The following RNF11 variants were observed in gnomAD, a reference collection of about 807,000 sequenced individuals.
RNF11 encodes ring finger protein 11.
Under a neutral mutation model 15.8 loss-of-function variants are expected in RNF11, and 4 were observed. That is an observed-to-expected ratio of 0.25 (90% CI 0.12 to 0.58). RNF11 has a LOEUF of 0.58. RNF11 is among the 20% of genes least tolerant of loss of function. The pLI, the probability that RNF11 is intolerant of heterozygous loss-of-function variation, is 0.91. For missense variants in RNF11, 139 were observed against 194.4 expected, an observed-to-expected ratio of 0.71 and a Z score of 1.70; for synonymous variants, 68 against 72.3, an observed-to-expected ratio of 0.94 and a Z score of 0.30.
chr1:51,264,290 ATAT>A (rs1646944795), intron 1 of RNF11, among the ~76,000 whole-genome samples: 6 of 67,216 alleles, frequency 8.9e-5, no homozygotes, highest in African/African-American at 2.3e-4. Flanking sequence ...AAAAAAAAAT[ATAT>A]ATATATATAT....
At chr1:51,251,272 C>A (rs1298577068) in intron 1 of RNF11, 7 of 1,362,676 alleles carry the variant, frequency 5.1e-6, no homozygotes, top group Non-Finnish European at 6.2e-6. Flanking sequence ...ATGTCCTTCA[C>A]CAAGCAGCCC....
At position 51,271,389 on chromosome 1, in the gene RNF11, C is replaced by A; in HGVS notation, c.*67C>A. ...GTGGTTTTGATCTTTTGTCACTGAG[C>A]CCAAAGAGCCAGGGATTAGGAATTA... On this transcript the variant is annotated 3_prime_UTR_variant, in exon 3 of 3. Coordinates refer to ENST00000242719, the MANE Select transcript of RNF11 (RefSeq NM_014372.5). The A allele has an allele frequency of 7.6e-7, 1 of 1,315,164 alleles. No homozygotes were observed. The highest frequency in any genetic ancestry group is 1.1e-6 in the Non-Finnish European group (1 of 951,196). 81.5% of individuals were successfully genotyped at this position (1,315,164 alleles called of 1,614,324 possible). A position where few individuals can be genotyped will look rare whatever the true frequency, so the allele number is the denominator to read the frequency against.
intron 1 of RNF11, among the ~76,000 whole-genome samples, chr1:51,239,524 G>A (rs913403276): frequency 6.6e-6 from 1 of 152,110 alleles, no homozygotes; most frequent in Admixed American, 6.5e-5. Context: ...CTTAGGAATG[G>A]TTATTTTAGA....
chr1:51,264,259 C>CAAAA (rs1158509807), intron 1 of RNF11, among the ~76,000 whole-genome samples: 26 of 25,508 alleles, frequency 1.0e-3, no homozygotes, highest in East Asian at 3.5e-3. Context: ...GACCCTATCT[C>CAAAA]AAAAAAAAAA....
rs890088880 is a variant in RNF11 at position 51,237,440 on chromosome 1, G to A, written c.123+561G>A. 3.9e-3 allele frequency among the ~76,000 whole-genome samples: 497 copies of A among 128,256 alleles called. 3 individuals carry two copies. The highest frequency in any genetic ancestry group is 0.013 in the African/African-American group (452 of 34,858). 84.1% of individuals were successfully genotyped at this position (128,256 alleles called of 152,430 possible). ...TGTGTGTGTGTATATATATATATATGTGTATATATATATATATATATATGT... is the reference window on the plus strand; with the variant it reads ...TGTGTGTGTGTATATATATATATATATGTATATATATATATATATATATGT... On this transcript the variant is annotated intron_variant, in intron 1 of 2. Coordinates refer to ENST00000242719, the MANE Select transcript of RNF11 (RefSeq NM_014372.5).
intron 1 of RNF11, among the ~76,000 whole-genome samples, chr1:51,253,566 T>C (rs766859452): frequency 2.0e-5 from 3 of 147,964 alleles, no homozygotes; most frequent in Non-Finnish European, 3.0e-5. Context: ...AAATAAAGAA[T>C]AGAAGGAAAG....
rs956668289 is a variant in RNF11, at chr1:51,250,857, G to A, written c.123+13978G>A. ...CATCATGAGCAGCTTCTTGGGCACAGGTGCGGAGACAATGCCAGTGCCCCT... is the reference window on the plus strand; with the variant it reads ...CATCATGAGCAGCTTCTTGGGCACAAGTGCGGAGACAATGCCAGTGCCCCT... On this transcript the variant is annotated intron_variant, in intron 1 of 2. Coordinates refer to ENST00000242719, the MANE Select transcript of RNF11 (RefSeq NM_014372.5). The A allele has an allele frequency of 3.1e-5, 36 of 1,158,622 alleles. 1 individual carries two copies. The Middle Eastern group carries it at 8.2e-4, about 26-fold the overall frequency. 71.8% of individuals were successfully genotyped at this position (1,158,622 alleles called of 1,614,324 possible).
Position 51,236,491 on chromosome 1 carries a change from TCTCCCCGCCCCCCC to T in RNF11, c.-264_-251del, listed in dbSNP as rs1448608228. On this transcript the variant is annotated 5_prime_UTR_variant, in exon 1 of 3. Transcript: ENST00000242719. ...GGGGGCGGGGTGGGGAAGTGCTTCG[TCTCCCCGCCCCCCC>T]CCCCCCATCGCTGCCTCGCAGGAGG... The T allele has an allele frequency of 1.6e-5, 2 of 125,302 alleles. No individual in the cohort carries two copies. The highest frequency in any genetic ancestry group is 8.0e-5 in the African/African-American group (2 of 25,146). The allele number at this position is 125,302 out of a possible 1,614,324, so 7.8% of individuals were successfully genotyped here. A position where few individuals can be genotyped will look rare whatever the true frequency, so the allele number is the denominator to read the frequency against.
chr1:51,270,183 A>T (rs1490293678), intron 2 of RNF11, 58 bp downstream of exon 2: 3 of 1,424,130 alleles, frequency 2.1e-6, no homozygotes, highest in Non-Finnish European at 2.9e-6. Context: ...CTTTTGAAAA[A>T]TTTGCCTTTT....
chr1:51,269,868 T>TC, intron 1 of RNF11, 88 bp from the exon 2 acceptor site: 2 of 1,106,498 alleles, frequency 1.8e-6, no homozygotes, highest in Non-Finnish European at 2.6e-6. Flanking sequence ...CTCCCAGGGC[T>TC]CCCTTTCCCT....
chr1:51,254,682 C>T (rs547892084), intron 1 of RNF11, among the ~76,000 whole-genome samples: 68 of 152,236 alleles, frequency 4.5e-4, no homozygotes, highest in African/African-American at 1.5e-3. Flanking sequence ...AGGCAGGTCT[C>T]GAACTCCCAG....
chr1:51,253,116 C>T (rs1159702426), intron 1 of RNF11, among the ~76,000 whole-genome samples: 4 of 152,068 alleles, frequency 2.6e-5, no homozygotes, highest in South Asian at 2.1e-4. Flanking sequence ...CGATCCACCA[C>T]GCCCGACGTT....
At chr1:51,248,892 T>C (rs1044204490) in intron 1 of RNF11, among the ~76,000 whole-genome samples, 1 of 151,974 alleles carries the variant, frequency 6.6e-6, no homozygotes, top group Non-Finnish European at 1.5e-5. Flanking sequence ...CAGAAAATAT[T>C]TGGGAAAGAA....
rs1646980917 is a variant in RNF11 at position 51,271,944 on chromosome 1, T to G, written c.*622T>G. The G allele has an allele frequency of 6.6e-6, 1 of 152,654 alleles. No individual in the cohort carries two copies. The highest frequency in any genetic ancestry group is 6.5e-5 in the Admixed American group (1 of 15,288). The allele number at this position is 152,654 out of a possible 1,614,324, so 9.5% of individuals were successfully genotyped here. On this transcript the variant is annotated 3_prime_UTR_variant, in exon 3 of 3. Transcript: ENST00000242719. ...ATAACCTGTTATAAGTGCTATATTC[T>G]GTTTGCAGTTAGGAAATGCAGAATT...
At chr1:51,266,474 T>A (rs1646955266) in intron 1 of RNF11, among the ~76,000 whole-genome samples, 1 of 152,178 alleles carries the variant, frequency 6.6e-6, no homozygotes, top group South Asian at 2.1e-4. Flanking sequence ...ATTAGCAGTT[T>A]TTCTTTTTTC....
chr1:51,254,935 TG>T (rs1297396009), intron 1 of RNF11, among the ~76,000 whole-genome samples: 1 of 152,178 alleles, frequency 6.6e-6, no homozygotes, highest in Admixed American at 6.5e-5. Context: ...AACTTTACTC[TG>T]GGAGAAAAAA....
intron 1 of RNF11, among the ~76,000 whole-genome samples, chr1:51,258,126 T>C (rs1192177891): frequency 2.6e-5 from 4 of 152,176 alleles, no homozygotes; most frequent in Non-Finnish European, 5.9e-5. Context: ...AGTGCTGGGA[T>C]TACGGGTGTG....
At chr1:51,261,667 C>T (rs572269533) in intron 1 of RNF11, among the ~76,000 whole-genome samples, 24 of 150,892 alleles carry the variant, frequency 1.6e-4, no homozygotes, top group Non-Finnish European at 3.4e-4. Context: ...AGCCTCCCAC[C>T]ACGCCCTGTC....
At chr1:51,269,831 G>A in intron 1 of RNF11, 125 bp from the exon 2 acceptor site, 2 of 736,294 alleles carry the variant, frequency 2.7e-6, no homozygotes, top group Non-Finnish European at 4.6e-6. Context: ...CAGTCATACA[G>A]CCAAACACTA....
Sources: allele counts gnomAD v4.1 joint callset (sites outside exome capture counted in the v4.1 genomes callset), GRCh38; gene constraint gnomAD v4.1.1; transcripts MANE v1.5; gene names NCBI Gene and HGNC (gene_info 2026-07-23, HGNC 2026-07-21).